The following TENM3 variants were observed in gnomAD, a reference collection of about 807,000 sequenced individuals.
TENM3 encodes the protein teneurin-3.
A neutral mutation model predicts 255.1 loss-of-function variants in TENM3; 63 were observed. The observed-to-expected ratio is 0.25, with a 90% CI of 0.20 to 0.30. The LOEUF (loss-of-function observed/expected upper bound fraction) is 0.30, where lower values mean the gene tolerates loss of function less well. Ranked by LOEUF, TENM3 falls within the 10% of genes least tolerant of loss-of-function variation. TENM3 has a pLI of 1.00. For missense variants in TENM3, 2,929 were observed against 3,461.1 expected (o/e 0.85, Z 3.86); for synonymous variants, 1,306 against 1,322.3 (o/e 0.99, Z 0.27).
chr4:182,094,229 C>A, the TENM3 span, among the ~76,000 whole-genome samples: 64 of 151,802 alleles, frequency 4.2e-4, no homozygotes, highest in Non-Finnish European at 8.2e-4. Context: ...ACAGCTACCT[C>A]GAAGCCAGAC....
At chr4:182,514,662 T>G (rs540237671) in intron 3 of TENM3, among the ~76,000 whole-genome samples, 1 of 152,208 alleles carries the variant, frequency 6.6e-6, no homozygotes, top group African/African-American at 2.4e-5. Context: ...GTTTCATTTT[T>G]TGTGTGTGCT....
At chr4:181,757,865 T>C in the TENM3 span, among the ~76,000 whole-genome samples, 1 of 152,180 alleles carries the variant, frequency 6.6e-6, no homozygotes, top group African/African-American at 2.4e-5. Flanking sequence ...GGTAGTAAAT[T>C]AGCTTGTGCT....
At position 182,402,498 on chromosome 4, in the gene TENM3, G is replaced by T. The variant is rs149776459; in HGVS notation, c.511+55569G>T. Among the ~76,000 whole-genome samples, 975 of 152,252 alleles carry T rather than the reference G, an allele frequency of 6.4e-3. 5 individuals carry two copies. Among genetic ancestry groups the T allele is most frequent in the African/African-American group, 0.022 (916 of 41,550 alleles). Reference sequence around the variant, plus strand: ...AGTTTTCTGGGCCAACGTAGACGTAGCCAGCCATAAAAATAAACATGGGCA... The same window carrying T: ...AGTTTTCTGGGCCAACGTAGACGTATCCAGCCATAAAAATAAACATGGGCA... On this transcript the variant is annotated intron_variant, in intron 3 of 27. Coordinates refer to ENST00000511685, the MANE Select transcript of TENM3 (RefSeq NM_001080477.4).
chr4:181,824,760 A>T, the TENM3 span, among the ~76,000 whole-genome samples: 1 of 152,174 alleles, frequency 6.6e-6, no homozygotes, highest in African/African-American at 2.4e-5. Context: ...AATGGAAAAA[A>T]AATCAAAATT....
chr4:182,326,182 C>G (rs1312142521), intron 2 of TENM3, among the ~76,000 whole-genome samples: 1 of 152,224 alleles, frequency 6.6e-6, no homozygotes, highest in Admixed American at 6.5e-5. Flanking sequence ...CCGCAGGTCA[C>G]TTGATGTGTA....
the TENM3 span, among the ~76,000 whole-genome samples, chr4:181,617,429 C>T: frequency 6.6e-6 from 1 of 152,144 alleles, no homozygotes; most frequent in South Asian, 2.1e-4. Context: ...AGGTAACAAA[C>T]ATTTTAGCAG....
chr4:182,341,702 G>A (rs541809354), intron 2 of TENM3, among the ~76,000 whole-genome samples: 22 of 152,150 alleles, frequency 1.4e-4, no homozygotes, highest in African/African-American at 5.3e-4. Flanking sequence ...TATTTCTATA[G>A]GATATAGTTC....
the TENM3 span, among the ~76,000 whole-genome samples, chr4:182,126,019 T>G: frequency 5.3e-5 from 8 of 152,286 alleles, no homozygotes; most frequent in African/African-American, 1.9e-4. Context: ...CACTTAAAAA[T>G]GATACCAGAT....
the TENM3 span, among the ~76,000 whole-genome samples, chr4:181,682,593 A>AAT: frequency 6.6e-6 from 1 of 152,136 alleles, no homozygotes; most frequent in African/African-American, 2.4e-5. Flanking sequence ...GAAGAGAAAA[A>AAT]ATATATATAT....
the TENM3 span, among the ~76,000 whole-genome samples, chr4:182,100,422 C>T: frequency 8.6e-6 from 1 of 116,248 alleles, no homozygotes; most frequent in African/African-American, 3.2e-5. Flanking sequence ...GGTAACATGG[C>T]AAAACTCCGT....
intron 16 of TENM3, 49 bp downstream of exon 16, chr4:182,731,188 A>G (rs1760671685): frequency 1.9e-6 from 3 of 1,569,448 alleles, no homozygotes; most frequent in East Asian, 4.5e-5. Context: ...TCTTCAGATC[A>G]TGTTTTGCCA....
the TENM3 span, among the ~76,000 whole-genome samples, chr4:182,094,437 G>C: frequency 1.3e-5 from 2 of 152,160 alleles, no homozygotes; most frequent in South Asian, 2.1e-4. Context: ...TAGTAGAGAC[G>C]GGGTTTCACC....
At chr4:182,061,697 G>T in the TENM3 span, among the ~76,000 whole-genome samples, 2 of 152,048 alleles carry the variant, frequency 1.3e-5, no homozygotes, top group Admixed American at 1.3e-4. Flanking sequence ...GGCTGCTCAC[G>T]CCCGTAATCC....
At chr4:182,675,036 C>G (rs1226026534) in intron 7 of TENM3, among the ~76,000 whole-genome samples, 3 of 151,944 alleles carry the variant, frequency 2.0e-5, no homozygotes, top group African/African-American at 7.3e-5. Context: ...ACCACTATGC[C>G]CAGCTAATTT....
At chr4:181,885,308 G>C in the TENM3 span, among the ~76,000 whole-genome samples, 2 of 152,188 alleles carry the variant, frequency 1.3e-5, no homozygotes, top group Admixed American at 6.5e-5. Context: ...CCATCACCAG[G>C]CTGGAGTGAA....
At chr4:181,527,676 C>T in the TENM3 span, among the ~76,000 whole-genome samples, 1 of 146,428 alleles carries the variant, frequency 6.8e-6, no homozygotes. Context: ...ATTTGAAAAA[C>T]ACAAGTATAA....
Position 182,534,086 on chromosome 4 carries a change from A to G in TENM3, c.512-66838A>G, listed in dbSNP as rs550467583. 7.2e-5 allele frequency among the ~76,000 whole-genome samples: 11 copies of G among 152,298 alleles called. 1 individual carries two copies. The South Asian group carries it at 1.7e-3, about 23-fold the overall frequency. ...ATGCTTGCTTAGAGAGCTATGTGCT[A>G]TGTACTCTAAGAATACAAAACATCA... is the stretch of plus-strand genomic sequence containing the variant. On this transcript the variant is annotated intron_variant, in intron 3 of 27. Transcript: ENST00000511685.
the TENM3 span, among the ~76,000 whole-genome samples, chr4:181,977,198 A>C: frequency 6.6e-6 from 1 of 152,118 alleles, no homozygotes; most frequent in Non-Finnish European, 1.5e-5. Flanking sequence ...ATACAATAGT[A>C]CCTACCCCCA....
At chr4:181,592,601 G>C in the TENM3 span, among the ~76,000 whole-genome samples, 5 of 151,246 alleles carry the variant, frequency 3.3e-5, no homozygotes, top group Non-Finnish European at 7.4e-5. Flanking sequence ...CTAAAAGAAC[G>C]AAGTAAAACT....
Sources: allele counts gnomAD v4.1 joint callset (sites outside exome capture counted in the v4.1 genomes callset), GRCh38; gene constraint gnomAD v4.1.1; transcripts MANE v1.5; gene names NCBI Gene and HGNC (gene_info 2026-07-23, HGNC 2026-07-21).